Variants in CASZ1 observed in about 807,000 individuals in gnomAD.
CASZ1 encodes castor zinc finger 1, also known as zinc finger protein castor homolog 1.
A neutral mutation model predicts 135.2 loss-of-function variants in CASZ1; 28 were observed. The observed-to-expected ratio is 0.21, with a 90% CI of 0.15 to 0.28. The LOEUF is 0.28. CASZ1 is among the 10% of genes least tolerant of loss of function. The probability of loss-of-function intolerance (pLI) is 1.00; values close to 1 mark genes in which losing one functional copy is unlikely to be tolerated. For synonymous variants in CASZ1, 1,068 were observed against 1,073.4 expected, an observed-to-expected ratio of 0.99 and a Z score of 0.10; for missense variants, 2,161 against 2,453.3, an observed-to-expected ratio of 0.88 and a Z score of 2.52.
At position 10,788,544 on chromosome 1, in the gene CASZ1, C is replaced by T. The variant is rs1021598028; in HGVS notation, c.-234+8020G>A. 2.6e-5 allele frequency among the ~76,000 whole-genome samples: 4 copies of T among 152,158 alleles called. No homozygotes were observed. The highest frequency in any genetic ancestry group is 4.4e-5 in the Non-Finnish European group (3 of 68,022). ...ATTAAGAGGATTCTCAAAGGGGGCA[C>T]ATGGATTCAAAAGAAGGGAAGAAGC... is the stretch of plus-strand genomic sequence containing the variant. On this transcript the variant is annotated intron_variant, in intron 1 of 20. Transcript: ENST00000377022. The surrounding 1 kb of genome is among the most constrained non-coding windows in gnomAD (Gnocchi z 4.1).
intron 1 of CASZ1, among the ~76,000 whole-genome samples, chr1:10,783,978 G>A (rs976981995): frequency 2.0e-5 from 3 of 150,804 alleles, no homozygotes; most frequent in African/African-American, 4.9e-5. Context: ...TGCTTTCTGC[G>A]CCACCTCCAT....
Position 10,665,343 on chromosome 1 carries a change from T to C in CASZ1, c.245A>G (p.Asp82Gly). 6.2e-7 allele frequency: 1 copy of C among 1,611,912 alleles called. No homozygotes were observed. The highest frequency in any genetic ancestry group is 8.5e-7 in the Non-Finnish European group (1 of 1,178,564). ...CTTCTCGATCACTGCCCGTCTCTTG[T>C]CTTCCTCGCTGCGGGGGGCCCGGGC... ...GAARAPRSEE[D>G]KRRAVIEKWV... is the part of the protein sequence containing the mutation. Residue 82 changes from aspartate (D) to glycine (G), a missense_variant, in exon 5 of 21, where the codon GAC becomes GGC. Around this residue, in one of 7 missense-constraint regions of CASZ1, gnomAD observed 590 missense variants for 609.8 expected, o/e 0.97. Transcript: ENST00000377022.
intron 4 of CASZ1, among the ~76,000 whole-genome samples, chr1:10,682,144 C>T (rs1638443442): frequency 6.6e-6 from 1 of 152,152 alleles, no homozygotes; most frequent in Non-Finnish European, 1.5e-5. Context: ...TCAAGTTTGT[C>T]TGAAAATGTT....
rs146005610 is a variant in CASZ1 at position 10,637,259 on chromosome 1, C to A, written c.*1683G>T. The A allele has an allele frequency of 2.0e-5, 3 of 152,258 alleles. No individual in the cohort carries two copies. Among genetic ancestry groups the A allele is most frequent in the Non-Finnish European group, 4.4e-5 (3 of 68,004 alleles). 9.4% of individuals were successfully genotyped at this position (152,258 alleles called of 1,614,324 possible). Reference sequence around the variant, plus strand: ...GTCTGGGCAGATGCTCACAGCAGCACGTGGTGCCCACAGAGTTCAGGAGGC... The same window carrying A: ...GTCTGGGCAGATGCTCACAGCAGCAAGTGGTGCCCACAGAGTTCAGGAGGC... On this transcript the variant is annotated 3_prime_UTR_variant, in exon 21 of 21. Transcript: ENST00000377022.
At chr1:10,764,547 G>C (rs1640438032) in intron 1 of CASZ1, among the ~76,000 whole-genome samples, 1 of 152,234 alleles carries the variant, frequency 6.6e-6, no homozygotes, top group African/African-American at 2.4e-5. Flanking sequence ...ATAGATTAGG[G>C]AGGGCGGGCA....
At chr1:10,695,458 A>C (rs1305265563) in intron 3 of CASZ1, among the ~76,000 whole-genome samples, 1 of 147,738 alleles carries the variant, frequency 6.8e-6, no homozygotes, top group Non-Finnish European at 1.5e-5. Flanking sequence ...CCCGGCCATC[A>C]CTTGCGCTTC....
intron 3 of CASZ1, among the ~76,000 whole-genome samples, chr1:10,698,750 C>T (rs1638998140): frequency 6.6e-6 from 1 of 152,162 alleles, no homozygotes; most frequent in Non-Finnish European, 1.5e-5. Flanking sequence ...CACCTCCAAC[C>T]CCAGCGAGCT....
At chr1:10,643,489 C>T (rs1046327137) in intron 18 of CASZ1, among the ~76,000 whole-genome samples, 178 bp from the exon 19 acceptor site, 6 of 152,214 alleles carry the variant, frequency 3.9e-5, no homozygotes, top group African/African-American at 9.7e-5. Flanking sequence ...AAGTCCAAAG[C>T]CCCCTGGCTG....
chr1:10,706,339 G>A lies in CASZ1; in HGVS notation c.-76-795C>T, dbSNP rs1055886666. 2.0e-5 allele frequency among the ~76,000 whole-genome samples: 3 copies of A among 152,184 alleles called. No individual in the cohort carries two copies. Among genetic ancestry groups the A allele is most frequent in the East Asian group, 1.9e-4 (1 of 5,186 alleles). On this transcript the variant is annotated intron_variant, in intron 2 of 20. Coordinates refer to ENST00000377022, the MANE Select transcript of CASZ1 (RefSeq NM_001079843.3). The surrounding 1 kb of genome is among the most constrained non-coding windows in gnomAD (Gnocchi z 4.3). ...GAGAGAAAACACAGGGAGTCCCCCC[G>A]CCAGCCTGCTGGCCAGGCCCCCCAA...
chr1:10,742,387 A>G (rs995978781), intron 2 of CASZ1, among the ~76,000 whole-genome samples: 35 of 152,158 alleles, frequency 2.3e-4, no homozygotes, highest in African/African-American at 8.2e-4. Context: ...AGAGACAGTG[A>G]ATTCTCGGCT....
At chr1:10,667,595 C>T (rs999752038) in intron 4 of CASZ1, among the ~76,000 whole-genome samples, 9 of 152,170 alleles carry the variant, frequency 5.9e-5, no homozygotes, top group Admixed American at 1.3e-4. Context: ...AACAGGCCTC[C>T]GGGGAAGCGG....
chr1:10,754,881 C>T (rs205483), intron 2 of CASZ1, among the ~76,000 whole-genome samples: 135,124 of 152,308 alleles, frequency 0.89, 60,419 homozygotes, highest in Middle Eastern at 0.96. Flanking sequence ...AAAAAAAAGT[C>T]GCTTTTAATT....
chr1:10,774,555 T>C lies in CASZ1; in HGVS notation c.-233-13698A>G, dbSNP rs1467496329. ...CCGTGATCCCAAGAAATCCCATCCA[T>C]AGCCCCCCCGATCCAAAAGGATCAC... On this transcript the variant is annotated intron_variant, in intron 1 of 20. Coordinates refer to ENST00000377022, the MANE Select transcript of CASZ1 (RefSeq NM_001079843.3). This position sits in a 1 kb window ranked among gnomAD's most constrained non-coding sequence, Gnocchi z 4.4. 1.2e-5 allele frequency among the ~76,000 whole-genome samples: 1 copy of C among 86,196 alleles called. No individual in the cohort carries two copies. Among genetic ancestry groups the C allele is most frequent in the African/African-American group, 3.4e-5 (1 of 29,500 alleles). The allele number at this position is 86,196 out of a possible 152,430, so 56.5% of individuals were successfully genotyped here.
intron 2 of CASZ1, among the ~76,000 whole-genome samples, chr1:10,746,120 G>C (rs1640035552): frequency 6.6e-6 from 1 of 152,262 alleles, no homozygotes; most frequent in African/African-American, 2.4e-5. Context: ...CCTCGAGGCA[G>C]GGCGAAGCTG....
rs191803145 is a variant in CASZ1, at chr1:10,725,910, G to C, written c.-76-20366C>G. On this transcript the variant is annotated intron_variant, in intron 2 of 20. Coordinates refer to ENST00000377022, the MANE Select transcript of CASZ1 (RefSeq NM_001079843.3). This position sits in a 1 kb window ranked among gnomAD's most constrained non-coding sequence, Gnocchi z 4.4. ...GTTCTAGAAGGATGGGCCGGACTTA[G>C]GAGGGGGCAGCATCCTCAGGATCCC... 6.6e-6 allele frequency among the ~76,000 whole-genome samples: 1 copy of C among 152,272 alleles called. No individual in the cohort carries two copies. Among genetic ancestry groups the C allele is most frequent in the African/African-American group, 2.4e-5 (1 of 41,546 alleles).
chr1:10,680,846 C>T (rs541321734), intron 4 of CASZ1, among the ~76,000 whole-genome samples: 3 of 152,248 alleles, frequency 2.0e-5, no homozygotes, highest in African/African-American at 2.4e-5. Context: ...ACTGACTTCC[C>T]GGGTGTTCCC....
At chr1:10,656,061 C>A (rs1002977901) in intron 8 of CASZ1, among the ~76,000 whole-genome samples, 1 of 152,242 alleles carries the variant, frequency 6.6e-6, no homozygotes, top group Admixed American at 6.5e-5. Flanking sequence ...GTGGCCATCC[C>A]CAGGAGCACA....
intron 4 of CASZ1, among the ~76,000 whole-genome samples, chr1:10,682,995 C>A (rs994193432): frequency 6.6e-6 from 1 of 152,218 alleles, no homozygotes; most frequent in Non-Finnish European, 1.5e-5. Context: ...TCTGCGGGTA[C>A]GCAAAGATAA....
chr1:10,659,583 T>G (rs2100256896), intron 6 of CASZ1, 119 bp downstream of exon 6: 4 of 743,462 alleles, frequency 5.4e-6, no homozygotes, highest in Non-Finnish European at 9.3e-6. Context: ...GCACAGTGGA[T>G]GTGTATAAGG....
Sources: gnomAD v4.1 joint callset for allele counts (sites outside exome capture counted in the v4.1 genomes callset) on GRCh38, gnomAD v4.1.1 for gene constraint, gnomAD v4.1.1 regional missense constraint, Gnocchi (gnomAD v3.1) non-coding constraint, MANE v1.5 for transcripts, NCBI Gene and HGNC (gene_info 2026-07-23, HGNC 2026-07-21) for gene names.